MED15: variants seen among roughly 807,000 people sequenced by gnomAD.
MED15 encodes the protein mediator of RNA polymerase II transcription subunit 15.
MED15 carries 41 observed loss-of-function variants against 118.7 expected under a neutral mutation model. That is an observed-to-expected ratio of 0.35 (90% CI 0.27 to 0.45). The LOEUF (loss-of-function observed/expected upper bound fraction) is 0.45, where lower values mean the gene tolerates loss of function less well. MED15 is among the 20% of genes least tolerant of loss of function. The probability of loss-of-function intolerance (pLI) is 1.00; values close to 1 mark genes in which losing one functional copy is unlikely to be tolerated. For missense variants in MED15, 740 were observed against 1,025.5 expected (o/e 0.72, Z 3.80); for synonymous variants, 436 against 413.9 (o/e 1.05, Z -0.65).
intron 1 of MED15, 174 bp downstream of exon 1, chr22:20,507,920 T>A: frequency 6.9e-7 from 1 of 1,450,772 alleles, no homozygotes; most frequent in Non-Finnish European, 9.1e-7. Flanking sequence ...GTTCCCGACA[T>A]GGACTGCTCG....
intron 1 of MED15, among the ~76,000 whole-genome samples, chr22:20,527,509 A>ATGGCTCACTATGGCCT (rs1241157890): frequency 1.3e-4 from 19 of 151,912 alleles, no homozygotes; most frequent in African/African-American, 4.1e-4. Flanking sequence ...TGATGTGTTC[A>ATGGCTCACTATGGCCT]TGGCTCACTA....
intron 1 of MED15, chr22:20,508,417 T>G: frequency 7.7e-7 from 1 of 1,303,436 alleles, no homozygotes; most frequent in Non-Finnish European, 1.0e-6. Flanking sequence ...TGCGCGTCCG[T>G]GTGAAGAGAC....
chr22:20,562,698 T>C (rs2056291189), intron 5 of MED15, among the ~76,000 whole-genome samples: 1 of 152,122 alleles, frequency 6.6e-6, no homozygotes, highest in Admixed American at 6.6e-5. Context: ...ACATGTTTTA[T>C]GAATGTCAAA....
At chr22:20,524,685 G>A (rs903024331) in intron 1 of MED15, among the ~76,000 whole-genome samples, 27 of 152,272 alleles carry the variant, frequency 1.8e-4, no homozygotes, top group African/African-American at 5.3e-4. Flanking sequence ...GCAGTGGCAC[G>A]ATCTCGGCTG....
In MED15 at chr22:20,546,386, T is replaced by G. The variant is rs536174448; in HGVS notation, c.157-5050T>G. ...CCCATAAGACCACAATTTGGAGGTT[T>G]GGAGAGCAACAACAGCCTGACCCTT... is the stretch of plus-strand genomic sequence containing the variant. On this transcript the variant is annotated intron_variant, in intron 2 of 17. Coordinates refer to ENST00000263205, the MANE Select transcript of MED15 (RefSeq NM_001003891.3). Among the ~76,000 whole-genome samples, 86 of 152,328 alleles carry G rather than the reference T, an allele frequency of 5.6e-4. 1 individual carries two copies. Among genetic ancestry groups the G allele is most frequent in the Non-Finnish European group, 1.1e-3 (73 of 68,030 alleles).
At chr22:20,583,896 C>A (rs935448786) in intron 13 of MED15, 47 of 234,448 alleles carry the variant, frequency 2.0e-4, no homozygotes, top group Non-Finnish European at 2.9e-4. Context: ...TCGGGCAGTA[C>A]CTCCAAACTG....
chr22:20,534,560 G>A (rs1288825042), intron 1 of MED15, among the ~76,000 whole-genome samples: 2 of 152,150 alleles, frequency 1.3e-5, no homozygotes, highest in African/African-American at 4.8e-5. Context: ...AAGGTGGGAA[G>A]AACAAGTATG....
At chr22:20,569,917 G>A (rs1450173731) in intron 8 of MED15, among the ~76,000 whole-genome samples, 1 of 152,228 alleles carries the variant, frequency 6.6e-6, no homozygotes, top group Non-Finnish European at 1.5e-5. Flanking sequence ...AGGACGTGGT[G>A]TGTTCAGAGT....
chr22:20,583,554 C>G, intron 13 of MED15, 161 bp downstream of exon 13: 1 of 794,298 alleles, frequency 1.3e-6, no homozygotes, highest in Non-Finnish European at 2.0e-6. Flanking sequence ...GCTGGGGCTT[C>G]AAGCCCAGGC....
At chr22:20,528,061 A>G (rs1276150504) in intron 1 of MED15, among the ~76,000 whole-genome samples, 2 of 151,994 alleles carry the variant, frequency 1.3e-5, no homozygotes, top group Non-Finnish European at 2.9e-5. Flanking sequence ...ACCTGGCCTA[A>G]TAAATTCTAC....
At chr22:20,561,211 CAAAG>C (rs1020965964) in intron 5 of MED15, among the ~76,000 whole-genome samples, 3 of 151,874 alleles carry the variant, frequency 2.0e-5, no homozygotes, top group Admixed American at 6.6e-5. Flanking sequence ...TCAAAAAAGA[CAAAG>C]AAGCTTAGAA....
At chr22:20,569,073 T>C (rs2056549942) in intron 8 of MED15, among the ~76,000 whole-genome samples, 1 of 152,168 alleles carries the variant, frequency 6.6e-6, no homozygotes, top group African/African-American at 2.4e-5. Context: ...GGAGAAGGCA[T>C]CCTGGTGCTC....
In MED15 at chr22:20,555,028, G is replaced by T. The variant is rs372021043; in HGVS notation, c.331G>T (p.Gly111Cys). ...MPPRGPGQSL[G>C]GMGSLGAMGQ... Reference sequence around the variant, plus strand: ...TCCTCGGGGCCCGGGACAGTCTCTGGGCGGGATGGGTAGCCTTGGTGCCAT... The same window carrying T: ...TCCTCGGGGCCCGGGACAGTCTCTGTGCGGGATGGGTAGCCTTGGTGCCAT... The change falls in exon 5 of 18, where the codon GGC becomes TGC. Residue 111 changes from glycine (G) to cysteine (C), a missense_variant. This residue lies in a region of MED15 where 117 missense variants were observed against 124.6 expected (regional missense o/e 0.94). Coordinates refer to ENST00000263205, the MANE Select transcript of MED15 (RefSeq NM_001003891.3). 1 of 1,612,568 alleles carries T rather than the reference G, an allele frequency of 6.2e-7. No homozygotes were observed. The highest frequency in any genetic ancestry group is 1.7e-5 in the Admixed American group (1 of 60,004).
At position 20,584,429 on chromosome 22, in the gene MED15, A is replaced by T; in HGVS notation, c.1803+4A>T. On this transcript the variant is annotated splice_donor_region_variant and intron_variant, in intron 14 of 17. Transcript: ENST00000263205. ...ACTCAAGAATGACATGGCGGTGGTGAGTGGGATGCCAGACACCCCTAGGGG... is the reference window on the plus strand; with the variant it reads ...ACTCAAGAATGACATGGCGGTGGTGTGTGGGATGCCAGACACCCCTAGGGG... The T allele has an allele frequency of 1.2e-6, 2 of 1,613,546 alleles. No individual in the cohort carries two copies. The highest frequency in any genetic ancestry group is 1.7e-6 in the Non-Finnish European group (2 of 1,179,690).
intron 1 of MED15, among the ~76,000 whole-genome samples, chr22:20,514,209 C>T (rs1569165741): frequency 6.6e-6 from 1 of 152,128 alleles, no homozygotes; most frequent in Non-Finnish European, 1.5e-5. Flanking sequence ...GCAGAAACTG[C>T]AGGATAAGCC....
At chr22:20,563,097 TG>T (rs1283593905) in intron 5 of MED15, among the ~76,000 whole-genome samples, 2 of 152,188 alleles carry the variant, frequency 1.3e-5, no homozygotes, top group African/African-American at 2.4e-5. Context: ...CCTCAAGTGT[TG>T]GTGACAGAGA....
rs1243570226 is a variant in MED15 at position 20,584,795 on chromosome 22, G to A, written c.1804-60G>A. On this transcript the variant is annotated intron_variant, in intron 14 of 17. Coordinates refer to ENST00000263205, the MANE Select transcript of MED15 (RefSeq NM_001003891.3). ...GTGACCATGGGCCTGGGGTGTGAAG[G>A]CCCCCTAAATGGGGAACCCTCGGGT... is the stretch of plus-strand genomic sequence containing the variant. 3 of 1,589,512 alleles carry A rather than the reference G, an allele frequency of 1.9e-6. No individual in the cohort carries two copies. The East Asian group carries it at 6.7e-5, about 36-fold the overall frequency.
chr22:20,508,321 C>G, intron 1 of MED15: 2 of 1,303,812 alleles, frequency 1.5e-6, no homozygotes, highest in Non-Finnish European at 2.0e-6. Flanking sequence ...TGGAGGAGAG[C>G]GTGAAGAGCT....
chr22:20,580,859 C>T (rs993057531), intron 9 of MED15, among the ~76,000 whole-genome samples: 4 of 152,230 alleles, frequency 2.6e-5, no homozygotes, highest in African/African-American at 9.6e-5. Context: ...ACATCAGTCC[C>T]CGTTTCTGAC....
Sources: gnomAD v4.1 joint callset for allele counts (sites outside exome capture counted in the v4.1 genomes callset) on GRCh38, gnomAD v4.1.1 for gene constraint, gnomAD v4.1.1 regional missense constraint, MANE v1.5 for transcripts, NCBI Gene and HGNC (gene_info 2026-07-23, HGNC 2026-07-21) for gene names.